The following MEMO1 variants were observed in gnomAD, a reference collection of about 807,000 sequenced individuals.
MEMO1 encodes the protein protein MEMO1.
A neutral mutation model predicts 45.2 loss-of-function variants in MEMO1; 6 were observed. The ratio of observed to expected loss-of-function variants is 0.13; its 90% CI spans 0.07 to 0.26. The LOEUF (loss-of-function observed/expected upper bound fraction) is 0.26, where lower values mean the gene tolerates loss of function less well. MEMO1 is among the 10% of genes least tolerant of loss of function. The pLI is 1.00. For missense variants in MEMO1, 184 were observed against 370.5 expected (o/e 0.50, Z 4.13); for synonymous variants, 78 against 124.3 (o/e 0.63, Z 2.48).
chr2:31,933,344 AAAAAATTT>A (rs1664464806), intron 3 of MEMO1, among the ~76,000 whole-genome samples: 5 of 35,420 alleles, frequency 1.4e-4, no homozygotes, highest in Admixed American at 4.6e-4. Flanking sequence ...AAAAAAAAAA[AAAAAATTT>A]ATATATATAT....
At chr2:31,986,102 AT>A (rs1033712681) in intron 2 of MEMO1, among the ~76,000 whole-genome samples, 27 of 152,132 alleles carry the variant, frequency 1.8e-4, no homozygotes, top group African/African-American at 5.8e-4. Flanking sequence ...TTAAATTTAA[AT>A]ATAACTGTTG....
At chr2:31,911,618 G>A (rs766999085) in intron 6 of MEMO1, among the ~76,000 whole-genome samples, 3 of 152,164 alleles carry the variant, frequency 2.0e-5, no homozygotes, top group Non-Finnish European at 4.4e-5. Flanking sequence ...AAACCGCTTA[G>A]GTAGGAGTAG....
At chr2:31,951,396 C>A (rs1223075976) in intron 2 of MEMO1, among the ~76,000 whole-genome samples, 1 of 152,098 alleles carries the variant, frequency 6.6e-6, no homozygotes, top group Admixed American at 6.6e-5. Flanking sequence ...TTCTGATATT[C>A]TTAATTTCAA....
At chr2:31,912,513 CAAAA>C (rs752295550) in intron 6 of MEMO1, among the ~76,000 whole-genome samples, 1 of 60,532 alleles carries the variant, frequency 1.7e-5, no homozygotes. Context: ...AACTCTGTCT[CAAAA>C]AAAAAAAAAA....
chr2:31,984,999 A>C (rs1335432573), intron 2 of MEMO1, among the ~76,000 whole-genome samples: 2 of 152,260 alleles, frequency 1.3e-5, no homozygotes, highest in Non-Finnish European at 2.9e-5. Context: ...GAAATTCTGT[A>C]CTATCTTTAT....
chr2:31,928,337 G>A (rs1450571577), intron 4 of MEMO1, among the ~76,000 whole-genome samples: 1 of 152,162 alleles, frequency 6.6e-6, no homozygotes, highest in Non-Finnish European at 1.5e-5. Context: ...GTGGTGAGGT[G>A]TTCGAGACCA....
chr2:31,967,942 TG>T (rs1039457294), intron 2 of MEMO1, among the ~76,000 whole-genome samples: 3 of 152,092 alleles, frequency 2.0e-5, no homozygotes, highest in African/African-American at 7.2e-5. Context: ...TCTGAGGCCT[TG>T]GAAGAATGAG....
chr2:31,914,956 CT>C lies in MEMO1; in HGVS notation c.437+2969del, dbSNP rs1419506094. On this transcript the variant is annotated intron_variant, in intron 6 of 9. Transcript: ENST00000404530. Reference sequence around the variant, plus strand: ...TGGGTGACAGAATGAGACCCTGTCTCTTTTTAAAAAAAAAAAAAAAAAAAAA... The same window carrying C: ...TGGGTGACAGAATGAGACCCTGTCTCTTTTAAAAAAAAAAAAAAAAAAAAA... Among the ~76,000 whole-genome samples the C allele has an allele frequency of 9.8e-3, 992 of 100,892 alleles. 17 individuals are homozygous for C. The highest frequency in any genetic ancestry group is 0.036 in the African/African-American group (917 of 25,444). 66.2% of individuals were successfully genotyped at this position (100,892 alleles called of 152,430 possible).
intron 2 of MEMO1, among the ~76,000 whole-genome samples, chr2:31,987,325 C>A (rs1671385916): frequency 6.6e-6 from 1 of 152,020 alleles, no homozygotes; most frequent in Non-Finnish European, 1.5e-5. Context: ...AATCCTAAAA[C>A]ACAACAAACA....
rs757311448 is a variant in MEMO1 at position 31,932,144 on chromosome 2, CA to C, written c.144-10del. 6.2e-7 allele frequency: 1 copy of C among 1,609,382 alleles called. No individual in the cohort carries two copies. Among genetic ancestry groups the C allele is most frequent in the Non-Finnish European group, 8.5e-7 (1 of 1,177,850 alleles). ...ACGTATATCCTGCATGGCTACAAAA[CA>C]AAATATTTTTAAACTTAATCATCAG... On this transcript the variant is annotated splice_polypyrimidine_tract_variant and intron_variant, in intron 3 of 9. Transcript: ENST00000404530.
chr2:31,875,969 G>T (rs1385557711), intron 8 of MEMO1, among the ~76,000 whole-genome samples: 1 of 152,116 alleles, frequency 6.6e-6, no homozygotes, highest in Non-Finnish European at 1.5e-5. Flanking sequence ...TTACAGGCAT[G>T]AGCCACCGCC....
At chr2:31,993,653 A>AG (rs1345884717) in intron 2 of MEMO1, among the ~76,000 whole-genome samples, 6 of 152,220 alleles carry the variant, frequency 3.9e-5, no homozygotes, top group Non-Finnish European at 2.9e-5. Flanking sequence ...GCCCACGCAC[A>AG]GGGTAAAACT....
intron 5 of MEMO1, among the ~76,000 whole-genome samples, chr2:31,918,964 C>T (rs1210512555): frequency 6.6e-6 from 1 of 151,980 alleles, no homozygotes; most frequent in Non-Finnish European, 1.5e-5. Flanking sequence ...CTAAAACCCT[C>T]TCAGGAAGTA....
At chr2:31,917,888 T>C in intron 6 of MEMO1, 38 bp downstream of exon 6, 1 of 1,367,266 alleles carries the variant, frequency 7.3e-7, no homozygotes, top group Non-Finnish European at 1.0e-6. Context: ...AATTAATGTC[T>C]ATGATTTCCT....
intron 3 of MEMO1, among the ~76,000 whole-genome samples, chr2:31,933,348 AATT>A (rs1664487991): frequency 6.8e-4 from 11 of 16,174 alleles, no homozygotes; most frequent in African/African-American, 1.7e-3. Context: ...AAAAAAAAAA[AATT>A]TATATATATA....
chr2:31,968,361 G>A (rs537283025), intron 2 of MEMO1, among the ~76,000 whole-genome samples: 4 of 152,316 alleles, frequency 2.6e-5, no homozygotes, highest in Non-Finnish European at 5.9e-5. Context: ...ACCCAAGTGG[G>A]GCTGACTGCA....
intron 6 of MEMO1, among the ~76,000 whole-genome samples, chr2:31,899,721 A>G (rs1678483157): frequency 6.6e-6 from 1 of 152,238 alleles, no homozygotes. Context: ...TCACGGCAAA[A>G]GAAACTACCA....
At chr2:31,882,684 G>C (rs1409157614) in intron 8 of MEMO1, among the ~76,000 whole-genome samples, 1 of 152,118 alleles carries the variant, frequency 6.6e-6, no homozygotes, top group East Asian at 1.9e-4. Context: ...CAAGATTCAA[G>C]TTAGCTACAT....
intron 9 of MEMO1, among the ~76,000 whole-genome samples, chr2:31,869,294 A>T (rs1673314299): frequency 6.6e-6 from 1 of 152,116 alleles, no homozygotes; most frequent in Non-Finnish European, 1.5e-5. Context: ...TCATTCAAGA[A>T]ATTAATAGTT....
Sources: allele counts gnomAD v4.1 joint callset (sites outside exome capture counted in the v4.1 genomes callset), GRCh38; gene constraint gnomAD v4.1.1; transcripts MANE v1.5; gene names NCBI Gene and HGNC (gene_info 2026-07-23, HGNC 2026-07-21).